ADGRB3: variants seen among roughly 807,000 people sequenced by gnomAD.
ADGRB3 encodes the protein adhesion G protein-coupled receptor B3.
Under a neutral mutation model 193.4 loss-of-function variants are expected in ADGRB3, and 37 were observed. That is an observed-to-expected ratio of 0.19 (90% CI 0.15 to 0.25). ADGRB3 has a LOEUF of 0.25. ADGRB3 is among the 10% of genes least tolerant of loss of function. ADGRB3 has a pLI of 1.00. For missense variants in ADGRB3, 1,637 were observed against 1,852.9 expected (o/e 0.88, Z 2.14); for synonymous variants, 690 against 644.2 (o/e 1.07, Z -1.08).
Position 68,807,843 on chromosome 6 carries a change from A to G in ADGRB3, c.758-122716A>G, listed in dbSNP as rs140350408. Reference sequence around the variant, plus strand: ...AATAGCTCAGTTGGTTAAATTTATCATCAGTTAGTTAATACTGTAGAGAAT... The same window carrying G: ...AATAGCTCAGTTGGTTAAATTTATCGTCAGTTAGTTAATACTGTAGAGAAT... On this transcript the variant is annotated intron_variant, in intron 3 of 31. Transcript: ENST00000370598. Among the ~76,000 whole-genome samples the G allele has an allele frequency of 2.0e-5, 3 of 152,290 alleles. No individual in the cohort carries two copies. The East Asian group carries it at 5.8e-4, about 29-fold the overall frequency.
At position 68,639,218 on chromosome 6, in the gene ADGRB3, A is replaced by C. The variant is rs768675884; in HGVS notation, c.543A>C (p.Ser181=). The change falls in exon 3 of 32, where the codon TCA becomes TCC. Residue 181 remains serine, a synonymous_variant. Transcript: ENST00000370598. ...LCTWLESCLK[S]ENGRTESCGI... is the part of the protein sequence containing the mutation. ...CTTGGTTGGAGAGCTGCTTAAAATCAGAAAATGGGAGAACAGAATCATGTG... is the reference window on the plus strand; with the variant it reads ...CTTGGTTGGAGAGCTGCTTAAAATCCGAAAATGGGAGAACAGAATCATGTG... 6.2e-7 allele frequency: 1 copy of C among 1,614,148 alleles called. No individual in the cohort carries two copies. The highest frequency in any genetic ancestry group is 1.1e-5 in the South Asian group (1 of 91,082).
intron 15 of ADGRB3, among the ~76,000 whole-genome samples, 178 bp downstream of exon 15, chr6:69,049,524 T>C (rs771999917): frequency 2.6e-5 from 4 of 152,144 alleles, no homozygotes; most frequent in Non-Finnish European, 5.9e-5. Flanking sequence ...TCAAAACAAC[T>C]AGAAAAGATA....
intron 17 of ADGRB3, among the ~76,000 whole-genome samples, chr6:69,164,584 T>C (rs1370482294): frequency 6.6e-6 from 1 of 152,040 alleles, no homozygotes; most frequent in Admixed American, 6.6e-5. Context: ...AGGCAAGCAT[T>C]AGCACCAGCC....
chr6:69,167,975 G>T (rs142244574), intron 17 of ADGRB3, among the ~76,000 whole-genome samples: 230 of 152,246 alleles, frequency 1.5e-3, no homozygotes, highest in African/African-American at 5.1e-3. Context: ...TTTATTTACA[G>T]TTACCTTGCA....
At chr6:69,035,458 G>T (rs1033576573) in intron 13 of ADGRB3, among the ~76,000 whole-genome samples, 1 of 152,090 alleles carries the variant, frequency 6.6e-6, no homozygotes, top group African/African-American at 2.4e-5. Context: ...GTCAAGAGAG[G>T]AGTTGGTTGA....
chr6:69,189,580 C>T (rs1392963757), intron 17 of ADGRB3, among the ~76,000 whole-genome samples: 4 of 151,348 alleles, frequency 2.6e-5, no homozygotes, highest in Non-Finnish European at 4.4e-5. Context: ...AAACGAATTC[C>T]GTCTGGTAAA....
At chr6:69,206,023 G>A (rs866702842) in intron 17 of ADGRB3, among the ~76,000 whole-genome samples, 197 of 130,708 alleles carry the variant, frequency 1.5e-3, no homozygotes, top group African/African-American at 5.4e-3. Context: ...TATATAGAGA[G>A]AGAATAATAT....
chr6:69,031,572 C>CTT (rs1406316791), intron 13 of ADGRB3, among the ~76,000 whole-genome samples: 1 of 1,542 alleles, frequency 6.5e-4, no homozygotes, highest in African/African-American at 8.2e-4. Context: ...TCTTTTCTTC[C>CTT]TCTGTCTCTG....
chr6:69,369,938 A>G (rs1333557473), intron 29 of ADGRB3, among the ~76,000 whole-genome samples: 1 of 152,158 alleles, frequency 6.6e-6, no homozygotes, highest in Non-Finnish European at 1.5e-5. Context: ...TTAGAAAGTC[A>G]GACTTGGACT....
intron 8 of ADGRB3, among the ~76,000 whole-genome samples, chr6:68,960,498 C>A (rs1768202236): frequency 6.6e-6 from 1 of 152,100 alleles, no homozygotes; most frequent in Non-Finnish European, 1.5e-5. Flanking sequence ...CGAATGTGAT[C>A]CCCATCCCCA....
intron 20 of ADGRB3, among the ~76,000 whole-genome samples, chr6:69,292,992 G>C (rs1767723336): frequency 6.6e-6 from 1 of 151,494 alleles, no homozygotes; most frequent in East Asian, 2.0e-4. Context: ...CTGTTGGACT[G>C]CCCCTCCCTC....
chr6:68,819,129 C>T (rs1342639874), intron 3 of ADGRB3, among the ~76,000 whole-genome samples: 3 of 151,956 alleles, frequency 2.0e-5, no homozygotes, highest in African/African-American at 7.2e-5. Flanking sequence ...TATATGAAAG[C>T]AATGATATGC....
At chr6:68,648,464 G>GTTTTTTTTTTTTT (rs202228765) in intron 3 of ADGRB3, among the ~76,000 whole-genome samples, 1 of 137,396 alleles carries the variant, frequency 7.3e-6, no homozygotes. Context: ...GGGAGTGTGA[G>GTTTTTTTTTTTTT]TTTTTTTGTT....
At chr6:69,252,550 C>T (rs1766646148) in intron 20 of ADGRB3, among the ~76,000 whole-genome samples, 1 of 151,996 alleles carries the variant, frequency 6.6e-6, no homozygotes, top group Non-Finnish European at 1.5e-5. Context: ...ATGATAATTC[C>T]AGTGTTACAT....
intron 3 of ADGRB3, among the ~76,000 whole-genome samples, chr6:68,727,811 T>C (rs1054931509): frequency 6.6e-6 from 1 of 151,574 alleles, no homozygotes; most frequent in Admixed American, 6.6e-5. Flanking sequence ...TTTGTGTGAA[T>C]TCAGTGAAGT....
At chr6:68,939,908 GA>G (rs1464846655) in intron 5 of ADGRB3, among the ~76,000 whole-genome samples, 1 of 152,052 alleles carries the variant, frequency 6.6e-6, no homozygotes, top group Non-Finnish European at 1.5e-5. Flanking sequence ...CACAATAAAT[GA>G]ACAAATTGAA....
chr6:68,794,413 T>A (rs1767167959), intron 3 of ADGRB3, among the ~76,000 whole-genome samples: 1 of 152,054 alleles, frequency 6.6e-6, no homozygotes, highest in Non-Finnish European at 1.5e-5. Context: ...AGCTATGGAA[T>A]CAATTTGAAA....
intron 12 of ADGRB3, among the ~76,000 whole-genome samples, chr6:69,016,028 A>T (rs1397257760): frequency 1.3e-5 from 2 of 151,924 alleles, no homozygotes; most frequent in East Asian, 3.9e-4. Flanking sequence ...AGTGAGCCAA[A>T]TCCAGCTTGA....
At chr6:69,298,532 C>T (rs186551711) in intron 20 of ADGRB3, among the ~76,000 whole-genome samples, 3 of 151,942 alleles carry the variant, frequency 2.0e-5, no homozygotes, top group Non-Finnish European at 2.9e-5. Flanking sequence ...TCTTTATTAC[C>T]CTCTCCGTAT....
Sources: allele counts gnomAD v4.1 joint callset (sites outside exome capture counted in the v4.1 genomes callset), GRCh38; gene constraint gnomAD v4.1.1; transcripts MANE v1.5; gene names NCBI Gene and HGNC (gene_info 2026-07-23, HGNC 2026-07-21).